The following DMD variants were observed in gnomAD, a reference collection of about 807,000 sequenced individuals.
DMD encodes the protein dystrophin.
Under a neutral mutation model 330.1 loss-of-function variants are expected in DMD, and 63 were observed. That is an observed-to-expected ratio of 0.19 (90% confidence interval 0.16 to 0.24). DMD has a LOEUF of 0.24. Ranked by LOEUF, DMD falls within the 10% of genes least tolerant of loss-of-function variation. The pLI is 1.00. For synonymous variants in DMD, 1,223 were observed against 959.8 expected (o/e 1.27, Z -5.07); for missense variants, 3,344 against 2,684.1 (o/e 1.25, Z -5.43).
At chrX:32,846,723 T>TAAAAAA (rs10564725) in intron 3 of DMD, among the ~76,000 whole-genome samples, 55 of 53,549 alleles carry the variant, frequency 1.0e-3, no homozygotes, top group East Asian at 2.1e-3. Flanking sequence ...ACTTTAGATT[T>TAAAAAA]AAAAAAAAAA....
intron 11 of DMD, chrX:32,641,622 T>A (rs1355797138): frequency 6.3e-6 from 1 of 159,277 alleles, no homozygotes; most frequent in Non-Finnish European, 1.4e-5. Flanking sequence ...ATTTTAGTGA[T>A]AAGCTTATCT....
At chrX:31,509,062 T>C (rs16989684) in intron 55 of DMD, among the ~76,000 whole-genome samples, 6,436 of 110,819 alleles carry the variant, frequency 0.058, 246 homozygotes, top group African/African-American at 0.13. Flanking sequence ...ATGGATAGAA[T>C]CACATCAGAA....
intron 44 of DMD, among the ~76,000 whole-genome samples, chrX:32,085,964 T>C (rs1205021271): frequency 8.9e-6 from 1 of 111,869 alleles, no homozygotes; most frequent in Non-Finnish European, 1.9e-5. Flanking sequence ...AAGTTATCAA[T>C]AAAACTGTTA....
intron 44 of DMD, among the ~76,000 whole-genome samples, chrX:32,188,067 G>C (rs777262580): frequency 9.0e-6 from 1 of 110,767 alleles, no homozygotes; most frequent in Non-Finnish European, 1.9e-5. Flanking sequence ...AAATGCAGGC[G>C]TAACATCTAT....
rs1213063766 is a variant in DMD, at chrX:32,617,170, C to A, written c.1332-2717G>T. Among the ~76,000 whole-genome samples the A allele has an allele frequency of 5.4e-5, 6 of 110,262 alleles. No individual in the cohort carries two copies. In the East Asian group the frequency reaches 1.7e-3, roughly 32 times the overall value. ...TAGTACTACATTAGAAAACTATGGGCATTTGCCAGGAGTCTCTTAGTATAC... is the reference window on the plus strand; with the variant it reads ...TAGTACTACATTAGAAAACTATGGGAATTTGCCAGGAGTCTCTTAGTATAC... On this transcript the variant is annotated intron_variant, in intron 11 of 78. Transcript: ENST00000357033.
At chrX:32,669,904 C>T (rs981700017) in intron 9 of DMD, among the ~76,000 whole-genome samples, 1 of 111,188 alleles carries the variant, frequency 9.0e-6, no homozygotes, top group Admixed American at 9.7e-5. Flanking sequence ...ATTTTCCAGC[C>T]GCCTCTCCTA....
intron 5 of DMD, among the ~76,000 whole-genome samples, chrX:32,820,355 T>A (rs1316193297): frequency 9.0e-6 from 1 of 111,181 alleles, no homozygotes; most frequent in Admixed American, 9.6e-5. Flanking sequence ...GGCAAGAGAA[T>A]GGCATGAACC....
At chrX:33,081,297 G>A (rs1019248812) in intron 1 of DMD, among the ~76,000 whole-genome samples, 5 of 111,024 alleles carry the variant, frequency 4.5e-5, no homozygotes, top group Admixed American at 9.6e-5. Context: ...TTTTTAAGAC[G>A]GAGTCTCGCT....
At chrX:31,298,485 TTAAGA>T (rs2054375179) in intron 62 of DMD, among the ~76,000 whole-genome samples, 1 of 109,997 alleles carries the variant, frequency 9.1e-6, no homozygotes, top group Non-Finnish European at 1.9e-5. Context: ...AGAGACTCAG[TTAAGA>T]TAATATTGTT....
Position 31,329,657 on chromosome X carries a change from C to A in DMD, c.9164-5999G>T, listed in dbSNP as rs770525994. 2.8e-4 allele frequency among the ~76,000 whole-genome samples: 31 copies of A among 110,866 alleles called. No homozygotes were observed. The South Asian group carries it at 0.012, about 43-fold the overall frequency. ...ATAGTTAACAATACTGTGTAGTGCA[C>A]TTAAAACTTAAGGGGATTAAGAGGG... On this transcript the variant is annotated intron_variant, in intron 61 of 78. Transcript: ENST00000357033.
intron 48 of DMD, among the ~76,000 whole-genome samples, chrX:31,853,521 T>A (rs764710893): frequency 1.3e-4 from 14 of 111,843 alleles, no homozygotes; most frequent in Admixed American, 3.8e-4. Flanking sequence ...CTGCTCTAAG[T>A]TTCAGGTTTC....
At chrX:32,841,185 C>T (rs1353760563) in intron 4 of DMD, among the ~76,000 whole-genome samples, 1 of 110,741 alleles carries the variant, frequency 9.0e-6, no homozygotes, top group Non-Finnish European at 1.9e-5. Flanking sequence ...AATTTGTGAA[C>T]ACCTTTTGTG....
intron 49 of DMD, among the ~76,000 whole-genome samples, chrX:31,832,166 G>A (rs770925151): frequency 1.8e-5 from 2 of 112,016 alleles, no homozygotes; most frequent in East Asian, 5.6e-4. Flanking sequence ...CATGGCAGAT[G>A]ATTTATGAAA....
intron 7 of DMD, among the ~76,000 whole-genome samples, chrX:32,713,174 C>T (rs753442075): frequency 1.8e-5 from 2 of 111,969 alleles, no homozygotes; most frequent in Admixed American, 9.5e-5. Flanking sequence ...ACTGTACTCA[C>T]GCATTTACAT....
At chrX:32,225,011 G>A (rs1191892272) in intron 43 of DMD, among the ~76,000 whole-genome samples, 1 of 111,746 alleles carries the variant, frequency 8.9e-6, no homozygotes, top group East Asian at 2.8e-4. Context: ...CCATTATAGG[G>A]GACTCTTCTA....
rs904505839 is a variant in DMD, at chrX:31,330,564, G to C, written c.9164-6906C>G. Among the ~76,000 whole-genome samples the C allele has an allele frequency of 2.7e-5, 3 of 111,774 alleles. No homozygotes were observed. In the Admixed American group the frequency reaches 2.8e-4, roughly 11 times the overall value. ...AAGAGGAAAACAGAAATGGAAAGGG[G>C]CAACATCTGATTGTTGGTCATCCCT... is the stretch of plus-strand genomic sequence containing the variant. On this transcript the variant is annotated intron_variant, in intron 61 of 78. Transcript: ENST00000357033.
chrX:32,897,389 G>C (rs997265545), intron 2 of DMD, among the ~76,000 whole-genome samples: 2 of 111,464 alleles, frequency 1.8e-5, no homozygotes, highest in East Asian at 2.8e-4. Flanking sequence ...GAAAAGCTGT[G>C]ATTTTTATTT....
At chrX:32,351,814 T>C (rs1457590404) in intron 37 of DMD, among the ~76,000 whole-genome samples, 3 of 110,167 alleles carry the variant, frequency 2.7e-5, no homozygotes, top group African/African-American at 9.8e-5. Flanking sequence ...GCTGCCCAAA[T>C]GCTAAGCAAC....
chrX:32,207,135 A>T (rs928933362), intron 44 of DMD, among the ~76,000 whole-genome samples: 2 of 111,775 alleles, frequency 1.8e-5, no homozygotes, highest in Non-Finnish European at 3.8e-5. Flanking sequence ...CCTGTGTGGT[A>T]GTAGTCAGTA....
Sources: allele counts gnomAD v4.1 joint callset (sites outside exome capture counted in the v4.1 genomes callset), GRCh38; gene constraint gnomAD v4.1.1; transcripts MANE v1.5; gene names NCBI Gene and HGNC (gene_info 2026-07-23, HGNC 2026-07-21).